PRKCE: variants seen among roughly 807,000 people sequenced by gnomAD.
PRKCE encodes protein kinase C epsilon.
A neutral mutation model predicts 85.4 loss-of-function variants in PRKCE; 16 were observed. The ratio of observed to expected loss-of-function variants is 0.19; its 90% CI spans 0.13 to 0.28. PRKCE has a LOEUF of 0.28. Ranked by LOEUF, PRKCE falls within the 10% of genes least tolerant of loss-of-function variation. The pLI is 1.00. For missense variants in PRKCE, 573 were observed against 975.2 expected, an observed-to-expected ratio of 0.59 and a Z score of 5.49; for synonymous variants, 388 against 371.5, an observed-to-expected ratio of 1.04 and a Z score of -0.51.
chr2:46,090,074 A>G lies in PRKCE; in HGVS notation c.1592+3712A>G, dbSNP rs1670017378. Among the ~76,000 whole-genome samples, 3 of 152,180 alleles carry G rather than the reference A, an allele frequency of 2.0e-5. No homozygotes were observed. The South Asian group carries it at 6.2e-4, about 32-fold the overall frequency. On this transcript the variant is annotated intron_variant, in intron 11 of 14. Transcript: ENST00000306156. ...GGGGATGGGTGAAAACAGAATGGTC[A>G]TGAGTAGGTGATTGCTGGAGATGGA...
At chr2:46,127,022 C>G (rs1402207123) in intron 11 of PRKCE, among the ~76,000 whole-genome samples, 1 of 152,138 alleles carries the variant, frequency 6.6e-6, no homozygotes, top group African/African-American at 2.4e-5. Flanking sequence ...TTTTAAGCCT[C>G]CAGACCCTTG....
chr2:46,157,019 C>T (rs928091538), intron 13 of PRKCE, among the ~76,000 whole-genome samples: 2 of 152,162 alleles, frequency 1.3e-5, no homozygotes, highest in Non-Finnish European at 2.9e-5. Context: ...ATTTTCCTGT[C>T]GATGGTGTAT....
intron 1 of PRKCE, among the ~76,000 whole-genome samples, chr2:45,813,989 AT>A (rs1433789360): frequency 6.6e-6 from 1 of 152,188 alleles, no homozygotes; most frequent in Non-Finnish European, 1.5e-5. Context: ...CATGAATCTC[AT>A]AAATTGACCT....
chr2:46,144,299 G>GA (rs1197038664), intron 11 of PRKCE, among the ~76,000 whole-genome samples: 1 of 152,138 alleles, frequency 6.6e-6, no homozygotes, highest in Non-Finnish European at 1.5e-5. Flanking sequence ...TTGCCCCTAG[G>GA]AAAGTGATCT....
At chr2:45,760,560 C>A (rs1240041876) in intron 1 of PRKCE, among the ~76,000 whole-genome samples, 1 of 152,164 alleles carries the variant, frequency 6.6e-6, no homozygotes, top group Admixed American at 6.5e-5. Flanking sequence ...AACACCAAGG[C>A]GTGACACGAT....
rs573318972 is a variant in PRKCE, at chr2:45,963,465, C to T, written c.413-12964C>T. On this transcript the variant is annotated intron_variant, in intron 2 of 14. Transcript: ENST00000306156. ...CTGGGATTACAGGTGTGCGCCACCA[C>T]GCCCGGCTAATTTTTGTGTTTTTAC... 2.0e-4 allele frequency among the ~76,000 whole-genome samples: 31 copies of T among 152,254 alleles called. 1 individual carries two copies. Among genetic ancestry groups the T allele is most frequent in the East Asian group, 3.9e-4 (2 of 5,178 alleles).
In PRKCE at chr2:46,182,087, C is replaced by T. The variant is rs534032910; in HGVS notation, c.2068-2648C>T. 7.2e-5 allele frequency among the ~76,000 whole-genome samples: 11 copies of T among 152,226 alleles called. No individual in the cohort carries two copies. The South Asian group carries it at 1.5e-3, about 20-fold the overall frequency. ...CTGCCACCCCTACTACTCCATTATC[C>T]CCTTCGGCTCCAGCTCCCCCGGCGT... On this transcript the variant is annotated intron_variant, in intron 14 of 14. Coordinates refer to ENST00000306156, the MANE Select transcript of PRKCE (RefSeq NM_005400.3).
At chr2:45,738,226 C>A (rs1682254067) in intron 1 of PRKCE, among the ~76,000 whole-genome samples, 3 of 152,186 alleles carry the variant, frequency 2.0e-5, no homozygotes, top group Admixed American at 2.0e-4. Flanking sequence ...TGTTATTTTT[C>A]AGGGTTTTCT....
intron 1 of PRKCE, among the ~76,000 whole-genome samples, chr2:45,794,702 T>C (rs1687282958): frequency 6.6e-6 from 1 of 152,172 alleles, no homozygotes; most frequent in Non-Finnish European, 1.5e-5. Context: ...TCTGACTTCC[T>C]TTCTTCCTCT....
At chr2:45,936,175 G>A (rs867293661) in intron 2 of PRKCE, among the ~76,000 whole-genome samples, 2 of 152,206 alleles carry the variant, frequency 1.3e-5, no homozygotes, top group African/African-American at 4.8e-5. Context: ...ACTGAAGAAT[G>A]AGCTATTACC....
chr2:45,693,046 C>T (rs1677864684), intron 1 of PRKCE, among the ~76,000 whole-genome samples: 1 of 152,026 alleles, frequency 6.6e-6, no homozygotes, highest in Admixed American at 6.6e-5. Context: ...GCCAAGGTGG[C>T]TCAGGAGGCC....
chr2:46,023,431 A>G (rs1434301824), intron 10 of PRKCE, among the ~76,000 whole-genome samples: 1 of 152,262 alleles, frequency 6.6e-6, no homozygotes, highest in South Asian at 2.1e-4. Context: ...CCCTTTTCCC[A>G]GAAGTTTATG....
At chr2:45,981,928 A>G (rs187471840) in intron 5 of PRKCE, among the ~76,000 whole-genome samples, 1 of 152,330 alleles carries the variant, frequency 6.6e-6, no homozygotes, top group Admixed American at 6.5e-5. Context: ...CATGCCATGC[A>G]GGTTAAAGGG....
chr2:45,878,209 G>A (rs1318407749), intron 2 of PRKCE, among the ~76,000 whole-genome samples: 1 of 152,218 alleles, frequency 6.6e-6, no homozygotes, highest in East Asian at 1.9e-4. Context: ...GTAACACCTT[G>A]TTTCCTTGTA....
intron 11 of PRKCE, among the ~76,000 whole-genome samples, chr2:46,133,482 T>C (rs1674661279): frequency 6.6e-6 from 1 of 152,178 alleles, no homozygotes; most frequent in Non-Finnish European, 1.5e-5. Context: ...TGAAACAGAC[T>C]CTAAGTAGAA....
At chr2:46,130,324 A>C (rs1674296579) in intron 11 of PRKCE, among the ~76,000 whole-genome samples, 1 of 151,908 alleles carries the variant, frequency 6.6e-6, no homozygotes, top group South Asian at 2.1e-4. Context: ...ATACTATTAC[A>C]TATATTAATC....
intron 1 of PRKCE, among the ~76,000 whole-genome samples, chr2:45,768,704 C>T (rs1400049077): frequency 2.0e-5 from 3 of 152,216 alleles, no homozygotes; most frequent in African/African-American, 7.2e-5. Context: ...CTCTGTCTTT[C>T]ACATGCGAGA....
chr2:45,976,568 C>T lies in PRKCE; in HGVS notation c.552C>T (p.Ser184=). The change falls in exon 3 of 15, where the codon TCC becomes TCT. Residue 184 remains serine, a synonymous_variant. Transcript: ENST00000306156. Reference sequence around the variant, plus strand: ...ATCTTCGGCAGCCCACCTACTGCTCCCATTGCAGAGACTTCATCTGGTAAG... The same window carrying T: ...ATCTTCGGCAGCCCACCTACTGCTCTCATTGCAGAGACTTCATCTGGTAAG... ...ATYLRQPTYC[S]HCRDFIWGVI... is the part of the protein sequence containing the mutation. 6.3e-7 allele frequency: 1 copy of T among 1,599,744 alleles called. No homozygotes were observed. Among genetic ancestry groups the T allele is most frequent in the Non-Finnish European group, 8.5e-7 (1 of 1,179,940 alleles).
chr2:45,667,951 CCT>C (rs1675992605), intron 1 of PRKCE, among the ~76,000 whole-genome samples: 1 of 152,076 alleles, frequency 6.6e-6, no homozygotes, highest in Non-Finnish European at 1.5e-5. Context: ...AGTTGTGTAA[CCT>C]CTCTGAGGTT....
Sources: gnomAD v4.1 joint callset for allele counts (sites outside exome capture counted in the v4.1 genomes callset) on GRCh38, gnomAD v4.1.1 for gene constraint, MANE v1.5 for transcripts, NCBI Gene and HGNC (gene_info 2026-07-23, HGNC 2026-07-21) for gene names.